Variants in GIPC2 observed in about 807,000 individuals in gnomAD.
GIPC2 encodes GIPC PDZ domain containing family member 2.
In GIPC2, 30 loss-of-function variants were observed where a neutral mutation model predicts 30.6. The ratio of observed to expected loss-of-function variants is 0.98; its 90% CI spans 0.73 to 1.33. The LOEUF is 1.33. GIPC2 is among the 40% of genes most tolerant of loss of function. The pLI is 0.00. For synonymous variants in GIPC2, 167 were observed against 150.0 expected (o/e 1.11, Z -0.83); for missense variants, 414 against 390.3 (o/e 1.06, Z -0.51).
intron 1 of GIPC2, among the ~76,000 whole-genome samples, chr1:78,050,783 T>C (rs901020876): frequency 6.6e-6 from 1 of 152,064 alleles, no homozygotes; most frequent in Non-Finnish European, 1.5e-5. Context: ...TACAGGTGCC[T>C]GCCACCATGC....
chr1:78,110,270 G>T (rs1662443044), intron 3 of GIPC2, among the ~76,000 whole-genome samples: 1 of 152,040 alleles, frequency 6.6e-6, no homozygotes, highest in Non-Finnish European at 1.5e-5. Flanking sequence ...TGAAAATGGG[G>T]GCAGAAAGCC....
At chr1:78,091,879 A>G in intron 2 of GIPC2, 3 of 780,668 alleles carry the variant, frequency 3.8e-6, no homozygotes, top group Non-Finnish European at 7.1e-6. Context: ...AGAAGAATGA[A>G]GTTGCTGATT....
intron 5 of GIPC2, among the ~76,000 whole-genome samples, chr1:78,128,295 G>GT (rs1215583653): frequency 6.6e-6 from 1 of 152,116 alleles, no homozygotes; most frequent in East Asian, 1.9e-4. Flanking sequence ...GCCTCCCAAA[G>GT]TGTTGGAATT....
At chr1:78,107,177 C>A (rs1302141003) in intron 3 of GIPC2, among the ~76,000 whole-genome samples, 1 of 151,798 alleles carries the variant, frequency 6.6e-6, no homozygotes, top group Admixed American at 6.6e-5. Flanking sequence ...TCCCTCCCTC[C>A]CTCCTTCCAG....
intron 1 of GIPC2, among the ~76,000 whole-genome samples, chr1:78,075,300 A>T (rs1661697074): frequency 2.0e-5 from 3 of 152,050 alleles, no homozygotes; most frequent in Admixed American, 2.0e-4. Context: ...TATGAAAAAT[A>T]AAAAAATTAG....
At chr1:78,120,767 C>T (rs181410850) in intron 4 of GIPC2, among the ~76,000 whole-genome samples, 106 of 152,248 alleles carry the variant, frequency 7.0e-4, no homozygotes, top group Non-Finnish European at 1.1e-3. Context: ...ATGAGAACAA[C>T]GGCATGGGAA....
chr1:78,121,665 T>A (rs1662686463), intron 4 of GIPC2, among the ~76,000 whole-genome samples: 1 of 151,954 alleles, frequency 6.6e-6, no homozygotes, highest in African/African-American at 2.4e-5. Context: ...AACGAAGAGA[T>A]CTGATAGAGC....
intron 1 of GIPC2, among the ~76,000 whole-genome samples, chr1:78,064,450 A>G (rs1661463828): frequency 2.0e-5 from 3 of 152,072 alleles, no homozygotes; most frequent in Admixed American, 1.3e-4. Context: ...TGATATTTCC[A>G]CCTGTTTCCT....
intron 1 of GIPC2, among the ~76,000 whole-genome samples, chr1:78,074,049 T>A (rs1661669665): frequency 6.6e-6 from 1 of 152,166 alleles, no homozygotes; most frequent in African/African-American, 2.4e-5. Flanking sequence ...AGGATAGTTT[T>A]TTTATGAGGA....
intron 1 of GIPC2, among the ~76,000 whole-genome samples, chr1:78,078,115 GAGGCGGAGC>G (rs1475421746): frequency 6.9e-6 from 1 of 145,738 alleles, no homozygotes; most frequent in Non-Finnish European, 1.5e-5. Context: ...GTGAACCCGG[GAGGCGGAGC>G]TTGCAGTGAG....
At chr1:78,120,182 A>T (rs1189846780) in intron 4 of GIPC2, among the ~76,000 whole-genome samples, 3 of 152,130 alleles carry the variant, frequency 2.0e-5, no homozygotes, top group Non-Finnish European at 4.4e-5. Context: ...TCAGAATAAA[A>T]CCTAAAGTCC....
At chr1:78,055,374 T>A (rs1463328458) in intron 1 of GIPC2, among the ~76,000 whole-genome samples, 6 of 152,102 alleles carry the variant, frequency 3.9e-5, no homozygotes, top group Admixed American at 1.3e-4. Context: ...TATATTAAAA[T>A]GTATAGGGAG....
At chr1:78,051,542 C>G (rs1474824203) in intron 1 of GIPC2, among the ~76,000 whole-genome samples, 5 of 152,146 alleles carry the variant, frequency 3.3e-5, no homozygotes, top group Non-Finnish European at 7.4e-5. Context: ...ACTCTGTTGC[C>G]AGGCTGGAGT....
intron 3 of GIPC2, among the ~76,000 whole-genome samples, chr1:78,106,925 C>T (rs999104583): frequency 7.9e-5 from 12 of 152,222 alleles, no homozygotes; most frequent in African/African-American, 2.9e-4. Context: ...ATCCACCTGC[C>T]TCGGCCTCCC....
rs1301069429 is a variant in GIPC2, at chr1:78,119,418, A to G, written c.633A>G (p.Gly211=). 26 of 1,610,286 alleles carry G rather than the reference A, an allele frequency of 1.6e-5. No individual in the cohort carries two copies. In the Admixed American group the frequency reaches 3.8e-4, roughly 24 times the overall value. ...AFEIELRSKA[G]KSSGEKIGCG... Reference sequence around the variant, plus strand: ...AAATAGAGCTGAGGTCAAAGGCTGGAAAGTCATCAGGAGAAAAAATTGGTT... The same window carrying G: ...AAATAGAGCTGAGGTCAAAGGCTGGGAAGTCATCAGGAGAAAAAATTGGTT... Residue 211 remains glycine (G), a synonymous_variant, in exon 4 of 6, where the codon GGA becomes GGG. Coordinates refer to ENST00000370759, the MANE Select transcript of GIPC2 (RefSeq NM_017655.6).
At chr1:78,113,948 C>G (rs1285989051) in intron 3 of GIPC2, among the ~76,000 whole-genome samples, 1 of 151,542 alleles carries the variant, frequency 6.6e-6, no homozygotes, top group Non-Finnish European at 1.5e-5. Context: ...ATTAATAACT[C>G]CTTGTTTTAC....
intron 5 of GIPC2, among the ~76,000 whole-genome samples, chr1:78,131,111 A>G (rs1293950100): frequency 2.0e-5 from 3 of 151,956 alleles, no homozygotes; most frequent in African/African-American, 4.8e-5. Flanking sequence ...AGCAGGGATT[A>G]CAGGTTAAAC....
chr1:78,117,146 G>GA (rs938050747), intron 3 of GIPC2, among the ~76,000 whole-genome samples: 7 of 152,130 alleles, frequency 4.6e-5, no homozygotes, highest in Admixed American at 3.3e-4. Context: ...AAATTTACAA[G>GA]AAAAAAACAA....
Position 78,085,553 on chromosome 1 carries a change from C to CT in GIPC2, c.426+4707dup, listed in dbSNP as rs761359001. Among the ~76,000 whole-genome samples the CT allele has an allele frequency of 3.3e-3, 433 of 131,348 alleles. 1 individual carries two copies. The highest frequency in any genetic ancestry group is 0.023 in the East Asian group (105 of 4,592). 86.2% of individuals were successfully genotyped at this position (131,348 alleles called of 152,430 possible). On this transcript the variant is annotated intron_variant, in intron 2 of 5. Coordinates refer to ENST00000370759, the MANE Select transcript of GIPC2 (RefSeq NM_017655.6). Reference sequence around the variant, plus strand: ...AGTTGTGAATCCATCAGGTTCTAGGCTTTTTTTTTTTTTTGGTTGGTAGGT... The same window carrying CT: ...AGTTGTGAATCCATCAGGTTCTAGGCTTTTTTTTTTTTTTTGGTTGGTAGGT...
Sources: gnomAD v4.1 joint callset for allele counts (sites outside exome capture counted in the v4.1 genomes callset) on GRCh38, gnomAD v4.1.1 for gene constraint, MANE v1.5 for transcripts, NCBI Gene and HGNC (gene_info 2026-07-23, HGNC 2026-07-21) for gene names.